Variants in SEC13 observed in about 807,000 individuals in gnomAD.
The protein encoded by SEC13 is SEC13 homolog, nuclear pore and COPII component.
A neutral mutation model predicts 49.2 loss-of-function variants in SEC13; 25 were observed. The ratio of observed to expected loss-of-function variants is 0.51; its 90% CI spans 0.37 to 0.71. The LOEUF (loss-of-function observed/expected upper bound fraction) is 0.71. Ranked by LOEUF, SEC13 falls within the 30% of genes least tolerant of loss-of-function variation. The pLI, the probability that SEC13 is intolerant of heterozygous loss-of-function variation, is 0.00. For missense variants in SEC13, 383 were observed against 417.6 expected (o/e 0.92, Z 0.72); for synonymous variants, 148 against 163.9 (o/e 0.90, Z 0.74).
At position 10,304,108 on chromosome 3, in the gene SEC13, A is replaced by G; in HGVS notation, c.773T>C (p.Leu258Ser). The change falls in exon 8 of 9, where the codon TTG becomes TCG. Residue 258 changes from leucine to serine, a missense_variant. Coordinates refer to ENST00000350697, the MANE Select transcript of SEC13 (RefSeq NM_183352.3). Reference protein sequence around the residue: ...ASSNTWSPKLLHKFNDVVWHV... With the variant: ...ASSNTWSPKLSHKFNDVVWHV... ...CCACACCACATCGTTGAACTTGTGC[A>G]ACAATTTAGGGGACCACGTATTGCT... is the stretch of plus-strand genomic sequence containing the variant. The G allele has an allele frequency of 6.2e-7, 1 of 1,614,196 alleles. No individual in the cohort carries two copies. The highest frequency in any genetic ancestry group is 2.2e-5 in the East Asian group (1 of 44,888).
intron 4 of SEC13, 37 bp from the exon 5 acceptor site, chr3:10,312,135 G>A (rs1031262373): frequency 1.9e-6 from 3 of 1,553,330 alleles, no homozygotes; most frequent in Non-Finnish European, 2.6e-6. Context: ...GCAAAGCAGG[G>A]AGACCGCGGC....
rs1700496898 is a variant in SEC13, at chr3:10,301,356, A to C, written c.874T>G (p.Ser292Ala). 2 of 1,613,632 alleles carry C rather than the reference A, an allele frequency of 1.2e-6. No homozygotes were observed. The highest frequency in any genetic ancestry group is 1.7e-6 in the Non-Finnish European group (2 of 1,179,966). Residue 292 changes from serine to alanine, a missense_variant, in exon 9 of 9, where the codon TCA (serine) becomes GCA (alanine). Transcript: ENST00000350697. The stretch of plus-strand genomic sequence containing the variant: ...ATGCACACCCACTGCCCATCAACTG[A>C]CTCCTTCCACAGGGTCACCTGCGAG... ...GDNKVTLWKE[S>A]VDGQWVCISD...
At chr3:10,313,389 C>G (rs750896008) in intron 3 of SEC13, 17 of 527,802 alleles carry the variant, frequency 3.2e-5, no homozygotes, top group Non-Finnish European at 5.9e-5. Flanking sequence ...GACCCATTCT[C>G]CCATTCACTA....
chr3:10,312,028 G>A lies in SEC13; in HGVS notation c.387C>T (p.Ile129=). The A allele has an allele frequency of 6.2e-7, 1 of 1,614,090 alleles. No individual in the cohort carries two copies. The highest frequency in any genetic ancestry group is 1.7e-5 in the Admixed American group (1 of 59,990). The change falls in exon 5 of 9, where the codon ATC becomes ATT. Residue 129 remains isoleucine, a synonymous_variant. Coordinates refer to ENST00000350697, the MANE Select transcript of SEC13 (RefSeq NM_183352.3). ...ILACGSSDGA[I]SLLTYTGEGQ... is the part of the protein sequence containing the mutation. ...CTTCCCCGGTGTAAGTCAGCAGGGAGATGGCCCCATCCGAGCTCCCACAGG... is the reference window on the plus strand; with the variant it reads ...CTTCCCCGGTGTAAGTCAGCAGGGAAATGGCCCCATCCGAGCTCCCACAGG...
chr3:10,300,955 G>A lies in SEC13; in HGVS notation c.*306C>T. 1 of 912,394 alleles carries A rather than the reference G, an allele frequency of 1.1e-6. No individual in the cohort carries two copies. The highest frequency in any genetic ancestry group is 2.2e-5 in the Admixed American group (1 of 44,688). 56.5% of individuals were successfully genotyped at this position (912,394 alleles called of 1,614,324 possible). A position where few individuals can be genotyped will look rare whatever the true frequency, so the allele number is the denominator to read the frequency against. ...ATTATAAGCAATATGACTTTATTTA[G>A]TTCCTTTGGAAACAAAACCCCCCAA... On this transcript the variant is annotated 3_prime_UTR_variant, in exon 9 of 9. Coordinates refer to ENST00000350697, the MANE Select transcript of SEC13 (RefSeq NM_183352.3).
intron 3 of SEC13, chr3:10,314,865 T>C (rs138187835): frequency 6.4e-6 from 1 of 155,996 alleles, no homozygotes; most frequent in Admixed American, 6.2e-5. Context: ...TGTGACACTT[T>C]AGGTCATACT....
Position 10,315,324 on chromosome 3 carries a change from C to A in SEC13, c.161G>T (p.Arg54Met). 6.2e-7 allele frequency: 1 copy of A among 1,612,454 alleles called. No homozygotes were observed. Among genetic ancestry groups the A allele is most frequent in the South Asian group, 1.1e-5 (1 of 91,016 alleles). The change falls in exon 3 of 9, where the codon AGG becomes ATG. Residue 54 changes from arginine (R) to methionine (M), a missense_variant. Coordinates refer to ENST00000350697, the MANE Select transcript of SEC13 (RefSeq NM_183352.3). Reference protein sequence around the residue: ...NGGQILIADLRGHEGPVWQVA... With the variant: ...NGGQILIADLMGHEGPVWQVA... ...CCCTGGGCTCGCCAGCACTTACCCC[C>A]TGAGGTCGGCGATAAGGATCTGCCC... is the stretch of plus-strand genomic sequence containing the variant.
At position 10,318,012 on chromosome 3, in the gene SEC13, G is replaced by A. The variant is rs760978988; in HGVS notation, c.48+38C>T. On this transcript the variant is annotated intron_variant, in intron 2 of 8. Transcript: ENST00000350697. Reference sequence around the variant, plus strand: ...GCTTCCCTCCCACAAAAATGCCCATGTCCACACCCCTCCAGGGAGGGTGAT... The same window carrying A: ...GCTTCCCTCCCACAAAAATGCCCATATCCACACCCCTCCAGGGAGGGTGAT... The A allele has an allele frequency of 2.0e-6, 3 of 1,472,100 alleles. No homozygotes were observed. In the South Asian group the frequency reaches 3.5e-5, roughly 17 times the overall value. The allele number at this position is 1,472,100 out of a possible 1,614,324, so 91.2% of individuals were successfully genotyped here. A position where few individuals can be genotyped will look rare whatever the true frequency, so the allele number is the denominator to read the frequency against.
At chr3:10,311,893 T>G (rs895795525) in intron 5 of SEC13, 72 bp downstream of exon 5, 7 of 1,613,408 alleles carry the variant, frequency 4.3e-6, no homozygotes, top group South Asian at 2.2e-5. Context: ...CGTGCCACCC[T>G]CTAGGGAGGC....
Position 10,315,262 on chromosome 3 carries a change from G to GC in SEC13, c.164+58dup, listed in dbSNP as rs1241783428. On this transcript the variant is annotated intron_variant, in intron 3 of 8. Coordinates refer to ENST00000350697, the MANE Select transcript of SEC13 (RefSeq NM_183352.3). ...CCCATGCTTTGCTCCCACGCTTGAA[G>GC]CAGGGCCTGAGAACCCACACCATTC... 3 of 1,257,418 alleles carry GC rather than the reference G, an allele frequency of 2.4e-6. No homozygotes were observed. The African/African-American group carries it at 4.4e-5, about 19-fold the overall frequency. The allele number at this position is 1,257,418 out of a possible 1,614,324, so 77.9% of individuals were successfully genotyped here.
intron 5 of SEC13, 58 bp from the exon 6 acceptor site, chr3:10,305,750 C>T: frequency 6.3e-7 from 1 of 1,597,804 alleles, no homozygotes; most frequent in Non-Finnish European, 8.6e-7. Context: ...CTTCTGCAGA[C>T]CCAAGCCTGC....
At chr3:10,308,095 G>GT (rs1701001184) in intron 5 of SEC13, among the ~76,000 whole-genome samples, 1 of 152,110 alleles carries the variant, frequency 6.6e-6, no homozygotes, top group Non-Finnish European at 1.5e-5. Context: ...TAGTATAATT[G>GT]ACATAAACTG....
rs1701543291 is a variant in SEC13, at chr3:10,315,444, G to A, written c.49-8C>T. Reference sequence around the variant, plus strand: ...GTCCATCTGGGCGTCGTGCTGCAAAGGGAGGACAGCTCGGGAAGCCTGCAG... The same window carrying A: ...GTCCATCTGGGCGTCGTGCTGCAAAAGGAGGACAGCTCGGGAAGCCTGCAG... On this transcript the variant is annotated splice_region_variant and splice_polypyrimidine_tract_variant and intron_variant, in intron 2 of 8. Transcript: ENST00000350697. 1 of 1,397,218 alleles carries A rather than the reference G, an allele frequency of 7.2e-7. No homozygotes were observed. The highest frequency in any genetic ancestry group is 1.8e-5 in the Admixed American group (1 of 54,416). The allele number at this position is 1,397,218 out of a possible 1,614,324, so 86.6% of individuals were successfully genotyped here.
chr3:10,320,657 GT>G (rs2059760080), intron 1 of SEC13: 65 of 1,039,930 alleles, frequency 6.3e-5, no homozygotes, highest in Non-Finnish European at 7.4e-5. Flanking sequence ...AACCTCAAGT[GT>G]CCTCATCTGT....
intron 1 of SEC13, among the ~76,000 whole-genome samples, chr3:10,318,439 A>G (rs768539253): frequency 6.6e-6 from 1 of 151,712 alleles, no homozygotes; most frequent in Non-Finnish European, 1.5e-5. Flanking sequence ...ACAGGGGAAA[A>G]TACCAGTCCA....
At chr3:10,315,776 C>T (rs1701567699) in intron 2 of SEC13, among the ~76,000 whole-genome samples, 1 of 152,150 alleles carries the variant, frequency 6.6e-6, no homozygotes, top group Non-Finnish European at 1.5e-5. Context: ...CTCTCAGGCC[C>T]TATTCAGTTC....
At chr3:10,309,533 A>G (rs1701116466) in intron 5 of SEC13, among the ~76,000 whole-genome samples, 1 of 152,116 alleles carries the variant, frequency 6.6e-6, no homozygotes, top group Non-Finnish European at 1.5e-5. Flanking sequence ...TTCTGAAATG[A>G]TTTTTAATTC....
intron 8 of SEC13, 62 bp downstream of exon 8, chr3:10,303,964 C>A: frequency 6.3e-7 from 1 of 1,584,324 alleles, no homozygotes; most frequent in South Asian, 1.1e-5. Context: ...AGTGCCCTCT[C>A]TAGTGGGCGG....
At chr3:10,308,933 A>ATTTTTTTT (rs56801249) in intron 5 of SEC13, among the ~76,000 whole-genome samples, 1 of 102,366 alleles carries the variant, frequency 9.8e-6, no homozygotes, top group Non-Finnish European at 1.9e-5. Context: ...CCTGGCCTTG[A>ATTTTTTTT]TTTTTTTTTT....
Sources: gnomAD v4.1 joint callset for allele counts (sites outside exome capture counted in the v4.1 genomes callset) on GRCh38, gnomAD v4.1.1 for gene constraint, MANE v1.5 for transcripts, NCBI Gene and HGNC (gene_info 2026-07-23, HGNC 2026-07-21) for gene names.